Variants in WAC observed in about 807,000 individuals in gnomAD.
WAC encodes the protein WW domain-containing adapter protein with coiled-coil.
WAC carries 11 observed loss-of-function variants against 79.6 expected under a neutral mutation model. That is an observed-to-expected ratio of 0.14 (90% CI 0.09 to 0.23). The LOEUF (loss-of-function observed/expected upper bound fraction) is 0.23. WAC is among the 10% of genes least tolerant of loss of function. WAC has a pLI of 1.00. For missense variants in WAC, 728 were observed against 773.5 expected, an observed-to-expected ratio of 0.94 and a Z score of 0.70; for synonymous variants, 304 against 276.9, an observed-to-expected ratio of 1.10 and a Z score of -0.97.
At chr10:28,566,044 T>C (rs765720063) in intron 3 of WAC, among the ~76,000 whole-genome samples, 2 of 152,162 alleles carry the variant, frequency 1.3e-5, no homozygotes, top group East Asian at 1.9e-4. Flanking sequence ...GAGTAAAATA[T>C]AGTACTGAAG....
intron 4 of WAC, chr10:28,588,729 T>A (rs924656545): frequency 1.2e-4 from 18 of 152,326 alleles, no homozygotes; most frequent in Non-Finnish European, 2.5e-4. Flanking sequence ...TTTTTAAATA[T>A]TTTTTAATTT....
At chr10:28,572,242 C>T (rs1839012640) in intron 3 of WAC, among the ~76,000 whole-genome samples, 1 of 149,062 alleles carries the variant, frequency 6.7e-6, no homozygotes, top group African/African-American at 2.5e-5. Context: ...GAGGCCGAGG[C>T]AGGAGAATTG....
chr10:28,561,714 A>G (rs1283894297), intron 3 of WAC, among the ~76,000 whole-genome samples: 1 of 152,178 alleles, frequency 6.6e-6, no homozygotes, highest in Non-Finnish European at 1.5e-5. Context: ...CAGGCTTCAC[A>G]GCAGGAGGTG....
intron 3 of WAC, among the ~76,000 whole-genome samples, chr10:28,578,006 A>G (rs1839334963): frequency 6.6e-6 from 1 of 152,174 alleles, no homozygotes; most frequent in African/African-American, 2.4e-5. Context: ...TAAAAATACA[A>G]AAATTAGTGG....
At position 28,603,806 on chromosome 10, in the gene WAC, C is replaced by T. The variant is rs576596304; in HGVS notation, c.920-4380C>T. ...AAAATTAGCCGGTCGAGGTGGCAGGCGCCTGTAGTCCCAGCTACTCGGGAG... is the reference window on the plus strand; with the variant it reads ...AAAATTAGCCGGTCGAGGTGGCAGGTGCCTGTAGTCCCAGCTACTCGGGAG... On this transcript the variant is annotated intron_variant, in intron 7 of 13. Transcript: ENST00000354911. 4.0e-5 allele frequency among the ~76,000 whole-genome samples: 6 copies of T among 150,740 alleles called. No homozygotes were observed. In the East Asian group the frequency reaches 5.9e-4, roughly 15 times the overall value.
At chr10:28,597,716 G>A (rs1178608804) in intron 7 of WAC, among the ~76,000 whole-genome samples, 1 of 152,090 alleles carries the variant, frequency 6.6e-6, no homozygotes, top group Non-Finnish European at 1.5e-5. Context: ...TATACAGTGT[G>A]TCCCTAATTT....
chr10:28,616,074 T>A, intron 11 of WAC, 99 bp from the exon 12 acceptor site: 1 of 959,446 alleles, frequency 1.0e-6, no homozygotes, highest in Non-Finnish European at 1.5e-6. Context: ...GGAATTTGGA[T>A]ATCTTTAAGT....
intron 6 of WAC, chr10:28,591,246 G>A (rs1462050852): frequency 6.1e-6 from 1 of 164,360 alleles, no homozygotes; most frequent in African/African-American, 2.4e-5. Context: ...CACCAGAATA[G>A]CTACTTGTTT....
At chr10:28,541,289 A>G (rs1187612300) in intron 3 of WAC, among the ~76,000 whole-genome samples, 1 of 151,836 alleles carries the variant, frequency 6.6e-6, no homozygotes, top group Non-Finnish European at 1.5e-5. Context: ...TCATTTTGTT[A>G]TGATGCTGGA....
At chr10:28,545,867 A>G (rs906067914) in intron 3 of WAC, among the ~76,000 whole-genome samples, 17 of 152,334 alleles carry the variant, frequency 1.1e-4, no homozygotes, top group African/African-American at 3.8e-4. Context: ...CTTAGGTACT[A>G]CATTTCCACC....
In WAC at chr10:28,555,813, C is replaced by T. The variant is rs187670493; in HGVS notation, c.274+20056C>T. On this transcript the variant is annotated intron_variant, in intron 3 of 13. Coordinates refer to ENST00000354911, the MANE Select transcript of WAC (RefSeq NM_016628.5). Reference sequence around the variant, plus strand: ...GTAAGAAGAGGAAAAGAGACCTGAGCTTGTGTGCACTTGACCTCTTGCCAT... The same window carrying T: ...GTAAGAAGAGGAAAAGAGACCTGAGTTTGTGTGCACTTGACCTCTTGCCAT... 2.9e-4 allele frequency among the ~76,000 whole-genome samples: 44 copies of T among 152,248 alleles called. No homozygotes were observed. The East Asian group carries it at 8.3e-3, about 29-fold the overall frequency.
At chr10:28,555,920 C>G (rs1244869082) in intron 3 of WAC, among the ~76,000 whole-genome samples, 4 of 152,142 alleles carry the variant, frequency 2.6e-5, no homozygotes, top group Non-Finnish European at 5.9e-5. Context: ...ATAAATTACA[C>G]AGTCTGGTAT....
At chr10:28,534,347 G>A (rs1281889482) in intron 2 of WAC, 5 of 340,214 alleles carry the variant, frequency 1.5e-5, no homozygotes, top group Non-Finnish European at 2.6e-5. Context: ...GAGATGATAG[G>A]TGACTTACGA....
At chr10:28,590,688 T>C (rs2132675033) in intron 5 of WAC, 32 bp from the exon 6 acceptor site, 1 of 1,530,442 alleles carries the variant, frequency 6.5e-7, no homozygotes, top group South Asian at 1.2e-5. Context: ...TTAATGTAAT[T>C]TTTATATGTT....
intron 7 of WAC, among the ~76,000 whole-genome samples, chr10:28,603,335 A>G (rs1840732654): frequency 6.6e-6 from 1 of 152,202 alleles, no homozygotes; most frequent in Non-Finnish European, 1.5e-5. Context: ...CATGGGTTGG[A>G]CGAGCTTGAT....
chr10:28,584,834 G>A (rs564126641), intron 4 of WAC, among the ~76,000 whole-genome samples: 2 of 152,238 alleles, frequency 1.3e-5, no homozygotes, highest in Non-Finnish European at 2.9e-5. Context: ...GCTCGCTCCT[G>A]TAATCCTAGC....
chr10:28,575,799 T>G (rs1333224919), intron 3 of WAC, among the ~76,000 whole-genome samples: 2 of 152,244 alleles, frequency 1.3e-5, no homozygotes, highest in African/African-American at 4.8e-5. Context: ...CAAACACAAC[T>G]CAGTTTCATT....
chr10:28,608,178 TTA>T lies in WAC; in HGVS notation c.920-6_920-5del. The stretch of plus-strand genomic sequence containing the variant: ...GTAATTTTTCAGGCTGATTATCTTT[TTA>T]TTTAGAATCTACATCAGGAGACAAA... On this transcript the variant is annotated splice_polypyrimidine_tract_variant and splice_region_variant and intron_variant, in intron 7 of 13. Coordinates refer to ENST00000354911, the MANE Select transcript of WAC (RefSeq NM_016628.5). 1 of 1,612,656 alleles carries T rather than the reference TTA, an allele frequency of 6.2e-7. No individual in the cohort carries two copies. Among genetic ancestry groups the T allele is most frequent in the Non-Finnish European group, 8.5e-7 (1 of 1,179,184 alleles).
chr10:28,616,326 C>T lies in WAC; in HGVS notation c.1710C>T (p.His570=), dbSNP rs141367539. ...AAHFSENLIK[H]VQGWPADHAE... Reference sequence around the variant, plus strand: ...ACTTCAGTGAAAATCTCATAAAACACGTTCAAGGATGGCCTGCAGATCATG... The same window carrying T: ...ACTTCAGTGAAAATCTCATAAAACATGTTCAAGGATGGCCTGCAGATCATG... The change falls in exon 12 of 14, where the codon CAC becomes CAT. Residue 570 remains histidine (H), a synonymous_variant. Coordinates refer to ENST00000354911, the MANE Select transcript of WAC (RefSeq NM_016628.5). The T allele has an allele frequency of 1.6e-5, 25 of 1,612,586 alleles. No homozygotes were observed. The East Asian group carries it at 2.0e-4, about 13-fold the overall frequency.
Sources: gnomAD v4.1 joint callset for allele counts (sites outside exome capture counted in the v4.1 genomes callset) on GRCh38, gnomAD v4.1.1 for gene constraint, MANE v1.5 for transcripts, NCBI Gene and HGNC (gene_info 2026-07-23, HGNC 2026-07-21) for gene names.